UNC13C: variants seen among roughly 807,000 people sequenced by gnomAD.
UNC13C encodes unc-13 homolog C.
In UNC13C, 174 loss-of-function variants were observed where a neutral mutation model predicts 245.4. The observed-to-expected ratio is 0.71, with a 90% CI of 0.63 to 0.80. The LOEUF (loss-of-function observed/expected upper bound fraction) is 0.80. Among genes scored for constraint, UNC13C ranks in the 30% least tolerant of loss-of-function variants. UNC13C has a pLI of 0.00. For synonymous variants in UNC13C, 992 were observed against 895.1 expected (o/e 1.11, Z -1.93); for missense variants, 2,829 against 2,602.9 (o/e 1.09, Z -1.89).
At chr15:54,078,490 C>T (rs982925396) in intron 2 of UNC13C, among the ~76,000 whole-genome samples, 3 of 151,810 alleles carry the variant, frequency 2.0e-5, no homozygotes, top group Non-Finnish European at 4.4e-5. Context: ...TGCCTCTTTG[C>T]CAACAATTTT....
intron 19 of UNC13C, among the ~76,000 whole-genome samples, chr15:54,440,310 T>G (rs1487219319): frequency 1.3e-5 from 2 of 152,036 alleles, no homozygotes; most frequent in Non-Finnish European, 2.9e-5. Context: ...TTACCCAGCC[T>G]TGGGTATTTC....
intron 17 of UNC13C, among the ~76,000 whole-genome samples, chr15:54,364,136 G>C (rs1226960262): frequency 6.6e-6 from 1 of 152,092 alleles, no homozygotes; most frequent in East Asian, 1.9e-4. Context: ...CTTAACAGAT[G>C]CTATATGAAA....
At chr15:54,362,711 G>C (rs913152125) in intron 17 of UNC13C, among the ~76,000 whole-genome samples, 4 of 152,030 alleles carry the variant, frequency 2.6e-5, no homozygotes, top group African/African-American at 7.2e-5. Context: ...ATTTAAACAA[G>C]TCCTCCAGGT....
chr15:54,405,946 A>G lies in UNC13C; in HGVS notation c.4848-9036A>G, dbSNP rs952429295. 3.3e-5 allele frequency among the ~76,000 whole-genome samples: 5 copies of G among 151,148 alleles called. No homozygotes were observed. In the South Asian group the frequency reaches 8.3e-4, roughly 25 times the overall value. On this transcript the variant is annotated intron_variant, in intron 18 of 32. Coordinates refer to ENST00000260323, the MANE Select transcript of UNC13C (RefSeq NM_001080534.3). ...GTATTGAGAAGACTGTGTAAATGTA[A>G]TTAATACTGTTAGTTTACAGTAAAG...
intron 2 of UNC13C, among the ~76,000 whole-genome samples, chr15:54,030,751 C>T (rs1896323648): frequency 6.6e-6 from 1 of 152,016 alleles, no homozygotes; most frequent in Non-Finnish European, 1.5e-5. Context: ...TAAGATGGTG[C>T]CTTGAATGCT....
chr15:54,014,977 A>C lies in UNC13C; in HGVS notation c.2074A>C (p.Asn692His), dbSNP rs1210957313. ...SLFDQQLDVY[N>H]KDLEYLGKCH... ...TTTTGACCAACAGCTTGATGTTTAC[A>C]ATAAAGACCTAGAATACTTGGGAAA... The change falls in exon 2 of 33, where the codon AAT (asparagine) becomes CAT (histidine). Residue 692 changes from asparagine to histidine, a missense_variant. Asn to His is a moderately conservative substitution (Grantham distance 68, BLOSUM62 1). Coordinates refer to ENST00000260323, the MANE Select transcript of UNC13C (RefSeq NM_001080534.3). 25 of 1,613,820 alleles carry C rather than the reference A, an allele frequency of 1.5e-5. No homozygotes were observed. The highest frequency in any genetic ancestry group is 2.1e-5 in the Non-Finnish European group (25 of 1,179,842).
intron 19 of UNC13C, among the ~76,000 whole-genome samples, chr15:54,476,893 T>C: frequency 6.6e-6 from 1 of 151,150 alleles, no homozygotes; most frequent in East Asian, 2.0e-4. Context: ...ATAAATTACC[T>C]TGGGCAGTAC....
chr15:54,118,087 T>C (rs1205585709), intron 2 of UNC13C, among the ~76,000 whole-genome samples: 1 of 152,114 alleles, frequency 6.6e-6, no homozygotes, highest in African/African-American at 2.4e-5. Context: ...AATGTGATGC[T>C]TCAGCTTTTT....
intron 2 of UNC13C, among the ~76,000 whole-genome samples, chr15:54,103,745 A>AT (rs1900284514): frequency 1.3e-5 from 2 of 151,338 alleles, no homozygotes; most frequent in Admixed American, 1.3e-4. Flanking sequence ...TTTTTATTTT[A>AT]TTTATTTATT....
At chr15:54,501,836 G>A (rs1487768687) in intron 22 of UNC13C, among the ~76,000 whole-genome samples, 1 of 152,276 alleles carries the variant, frequency 6.6e-6, no homozygotes, top group Non-Finnish European at 1.5e-5. Flanking sequence ...GGGAACAAAG[G>A]AAGAGGTAAA....
intron 4 of UNC13C, among the ~76,000 whole-genome samples, chr15:54,143,889 G>A (rs2032138383): frequency 7.5e-6 from 1 of 132,508 alleles, no homozygotes; most frequent in Admixed American, 7.4e-5. Context: ...ATATGAATAT[G>A]TATATGATTA....
intron 19 of UNC13C, among the ~76,000 whole-genome samples, chr15:54,448,235 A>C (rs1890943634): frequency 6.6e-6 from 1 of 152,216 alleles, no homozygotes; most frequent in Non-Finnish European, 1.5e-5. Flanking sequence ...TGGTGCTGAG[A>C]AGAATGTATA....
chr15:54,600,556 A>T (rs927616599), intron 30 of UNC13C, among the ~76,000 whole-genome samples: 5 of 152,108 alleles, frequency 3.3e-5, no homozygotes, highest in African/African-American at 7.2e-5. Context: ...ACCTATTGCT[A>T]AATGCACAAT....
chr15:53,973,635 C>T (rs1893608879), upstream of UNC13C, among the ~76,000 whole-genome samples: 1 of 150,968 alleles, frequency 6.6e-6, no homozygotes, highest in African/African-American at 2.4e-5. Context: ...TGAGGTCATC[C>T]AAATGCTGTG....
At chr15:54,364,934 A>C (rs1041263762) in intron 17 of UNC13C, among the ~76,000 whole-genome samples, 2 of 152,198 alleles carry the variant, frequency 1.3e-5, no homozygotes, top group African/African-American at 2.4e-5. Context: ...GTGCAGATGA[A>C]TGCTTTTCCA....
intron 1 of UNC13C, among the ~76,000 whole-genome samples, chr15:53,990,837 A>G (rs1894354579): frequency 6.6e-6 from 1 of 152,046 alleles, no homozygotes. Context: ...TCCTCCTGCC[A>G]AGTCTAAAGT....
intron 2 of UNC13C, among the ~76,000 whole-genome samples, chr15:54,081,066 C>G (rs1009884410): frequency 6.6e-6 from 1 of 152,020 alleles, no homozygotes; most frequent in African/African-American, 2.4e-5. Context: ...GTTGCTTATT[C>G]AAAAGCCATT....
At chr15:54,230,991 C>T (rs2035535414) in intron 4 of UNC13C, among the ~76,000 whole-genome samples, 1 of 151,914 alleles carries the variant, frequency 6.6e-6, no homozygotes, top group South Asian at 2.1e-4. Flanking sequence ...ATTGACTTTC[C>T]AACTACTTCC....
rs1567288917 is a variant in UNC13C at position 54,455,197 on chromosome 15, CTCTCTCTCTATAT to C, written c.4934-39410_4934-39398del. On this transcript the variant is annotated intron_variant, in intron 19 of 32. Coordinates refer to ENST00000260323, the MANE Select transcript of UNC13C (RefSeq NM_001080534.3). The stretch of plus-strand genomic sequence containing the variant: ...TCTCTCTCTCTCTCTCTCTCTCTCT[CTCTCTCTCTATAT>C]ATATATATATATATATATATATATA... Among the ~76,000 whole-genome samples the C allele has an allele frequency of 6.1e-4, 27 of 43,926 alleles. 1 individual carries two copies. Among genetic ancestry groups the C allele is most frequent in the African/African-American group, 2.0e-3 (27 of 13,492 alleles). The allele number at this position is 43,926 out of a possible 152,430, so 28.8% of individuals were successfully genotyped here. A position where few individuals can be genotyped will look rare whatever the true frequency, so the allele number is the denominator to read the frequency against.
Sources: allele counts gnomAD v4.1 joint callset (sites outside exome capture counted in the v4.1 genomes callset), GRCh38; gene constraint gnomAD v4.1.1; transcripts MANE v1.5; gene names NCBI Gene and HGNC (gene_info 2026-07-23, HGNC 2026-07-21).